EPS8: variants seen among roughly 807,000 people sequenced by gnomAD.
EPS8 encodes epidermal growth factor receptor kinase substrate 8.
A neutral mutation model predicts 103.8 loss-of-function variants in EPS8; 42 were observed. The ratio of observed to expected loss-of-function variants is 0.40; its 90% CI spans 0.32 to 0.52. EPS8 has a LOEUF of 0.52. Ranked by LOEUF, EPS8 falls within the 20% of genes least tolerant of loss-of-function variation. The pLI is 0.40. For missense variants in EPS8, 969 were observed against 1,005.1 expected (o/e 0.96, Z 0.49); for synonymous variants, 344 against 344.6 (o/e 1.00, Z 0.02).
At chr12:15,758,580 G>A (rs751943992) in intron 1 of EPS8, among the ~76,000 whole-genome samples, 1 of 152,124 alleles carries the variant, frequency 6.6e-6, no homozygotes, top group Non-Finnish European at 1.5e-5. Context: ...ATACTGTACA[G>A]CACTGGTACA....
rs2135999408 is a variant in EPS8 at position 15,735,628 on chromosome 12, TA to T, written c.-21-52657del. Reference sequence around the variant, plus strand: ...AAACTGTAAGTAAAATAGGCACATTTAAGTACTTCTTCTATGTAGATGTGCA... The same window carrying T: ...AAACTGTAAGTAAAATAGGCACATTTAGTACTTCTTCTATGTAGATGTGCA... On this transcript the variant is annotated intron_variant, in intron 1 of 20. Coordinates refer to ENST00000281172, the MANE Select transcript of EPS8 (RefSeq NM_004447.6). This position sits in a 1 kb window ranked among gnomAD's most constrained non-coding sequence, Gnocchi z 4.4. Among the ~76,000 whole-genome samples the T allele has an allele frequency of 6.6e-6, 1 of 152,338 alleles. No homozygotes were observed. Among genetic ancestry groups the T allele is most frequent in the African/African-American group, 2.4e-5 (1 of 41,578 alleles).
At chr12:15,644,799 A>G (rs1168337157) in intron 15 of EPS8, among the ~76,000 whole-genome samples, 1 of 152,118 alleles carries the variant, frequency 6.6e-6, no homozygotes, top group Non-Finnish European at 1.5e-5. Context: ...GGTCAACAAT[A>G]ATTATTTATA....
Position 15,727,774 on chromosome 12 carries a change from C to T in EPS8, c.-21-44802G>A, listed in dbSNP as rs1291589372. Among the ~76,000 whole-genome samples the T allele has an allele frequency of 6.6e-6, 1 of 152,160 alleles. No homozygotes were observed. Among genetic ancestry groups the T allele is most frequent in the Non-Finnish European group, 1.5e-5 (1 of 68,024 alleles). Reference sequence around the variant, plus strand: ...TCAGGAGGCTGAGGCAGGAGAATCACTCGAACCTGGGAGGTGGAGGTTGCA... The same window carrying T: ...TCAGGAGGCTGAGGCAGGAGAATCATTCGAACCTGGGAGGTGGAGGTTGCA... On this transcript the variant is annotated intron_variant, in intron 1 of 20. Transcript: ENST00000281172. This position sits in a 1 kb window ranked among gnomAD's most constrained non-coding sequence, Gnocchi z 4.3.
intron 1 of EPS8, among the ~76,000 whole-genome samples, chr12:15,768,467 G>A (rs1173968761): frequency 1.4e-5 from 2 of 145,248 alleles, no homozygotes; most frequent in Non-Finnish European, 3.0e-5. Flanking sequence ...AATTTTAAGA[G>A]CAGAGGTAGT....
rs569701239 is a variant in EPS8 at position 15,709,188 on chromosome 12, C to T, written c.-21-26216G>A. Among the ~76,000 whole-genome samples, 204 of 152,270 alleles carry T rather than the reference C, an allele frequency of 1.3e-3. 2 individuals carry two copies. The highest frequency in any genetic ancestry group is 2.0e-3 in the Non-Finnish European group (138 of 68,016). ...AGAAACAAGACAAAACCACCTCTAA[C>T]CCATCATAGTAAGAGATAGACTTTA... On this transcript the variant is annotated intron_variant, in intron 1 of 20. Transcript: ENST00000281172.
rs149135342 is a variant in EPS8 at position 15,725,980 on chromosome 12, T to C, written c.-21-43008A>G. On this transcript the variant is annotated intron_variant, in intron 1 of 20. Transcript: ENST00000281172. This position sits in a 1 kb window ranked among gnomAD's most constrained non-coding sequence, Gnocchi z 4.5. Reference sequence around the variant, plus strand: ...TGCATACACTGAACAGCATAAACACTGAACAAAACATAAATCTAATAAAAA... The same window carrying C: ...TGCATACACTGAACAGCATAAACACCGAACAAAACATAAATCTAATAAAAA... 1.6e-3 allele frequency among the ~76,000 whole-genome samples: 246 copies of C among 152,140 alleles called. 1 individual carries two copies. Among genetic ancestry groups the C allele is most frequent in the African/African-American group, 4.3e-3 (177 of 41,508 alleles).
intron 8 of EPS8, 75 bp from the exon 9 acceptor site, chr12:15,662,174 A>G (rs778779778): frequency 3.3e-5 from 51 of 1,563,542 alleles, no homozygotes; most frequent in Non-Finnish European, 4.1e-5. Flanking sequence ...AAACATAAAA[A>G]TTAGTTAAAA....
chr12:15,650,678 G>A lies in EPS8; in HGVS notation c.1434+145C>T, dbSNP rs111814259. 177 of 710,316 alleles carry A rather than the reference G, an allele frequency of 2.5e-4. No homozygotes were observed. In the African/African-American group the frequency reaches 2.9e-3, roughly 12 times the overall value. 44.0% of individuals were successfully genotyped at this position (710,316 alleles called of 1,614,324 possible). On this transcript the variant is annotated intron_variant, in intron 14 of 20. Transcript: ENST00000281172. ...CAAAAAATGACAGAGGCAAGAGAGAGAGGTAATTCAGGACAGGGTAACATT... is the reference window on the plus strand; with the variant it reads ...CAAAAAATGACAGAGGCAAGAGAGAAAGGTAATTCAGGACAGGGTAACATT...
In EPS8 at chr12:15,718,806, C is replaced by G. The variant is rs758410044; in HGVS notation, c.-21-35834G>C. Among the ~76,000 whole-genome samples, 6 of 120,136 alleles carry G rather than the reference C, an allele frequency of 5.0e-5. No individual in the cohort carries two copies. The Admixed American group carries it at 6.0e-4, about 12-fold the overall frequency. The allele number at this position is 120,136 out of a possible 152,430, so 78.8% of individuals were successfully genotyped here. A position where few individuals can be genotyped will look rare whatever the true frequency, so the allele number is the denominator to read the frequency against. ...TTTCCACAAAAAGTTAAACTCTAAACAAAACGACAGGACTACTTCAGCTTA... is the reference window on the plus strand; with the variant it reads ...TTTCCACAAAAAGTTAAACTCTAAAGAAAACGACAGGACTACTTCAGCTTA... On this transcript the variant is annotated intron_variant, in intron 1 of 20. Transcript: ENST00000281172.
Position 15,638,538 on chromosome 12 carries a change from C to T in EPS8, c.1821+2165G>A, listed in dbSNP as rs185052685. ...CAGAAAGCTTCTGTACACATTTCTA[C>T]ACACACCACTACATTTGTAGTTGCA... is the stretch of plus-strand genomic sequence containing the variant. On this transcript the variant is annotated intron_variant, in intron 17 of 20. Transcript: ENST00000281172. Among the ~76,000 whole-genome samples, 159 of 152,320 alleles carry T rather than the reference C, an allele frequency of 1.0e-3. 1 individual carries two copies. In the Middle Eastern group the frequency reaches 0.014, roughly 13 times the overall value.
intron 15 of EPS8, among the ~76,000 whole-genome samples, chr12:15,643,661 A>G (rs999272934): frequency 6.6e-6 from 1 of 151,232 alleles, no homozygotes; most frequent in Admixed American, 6.6e-5. Flanking sequence ...ATCGCTTGAA[A>G]CAGGGAGGCA....
At chr12:15,676,725 T>G (rs1481945712) in intron 3 of EPS8, among the ~76,000 whole-genome samples, 1 of 152,050 alleles carries the variant, frequency 6.6e-6, no homozygotes, top group African/African-American at 2.4e-5. Flanking sequence ...AGTAAAATGT[T>G]ACTGTTATAA....
chr12:15,631,493 C>G lies in EPS8; in HGVS notation c.1993G>C (p.Gly665Arg). Residue 665 changes from glycine to arginine, a missense_variant, in exon 18 of 21, where the codon GGT (glycine) becomes CGT (arginine). Physicochemically the swap from Gly to Arg is moderately radical, Grantham distance 125. Transcript: ENST00000281172. ...TGGCTGTCTCGCACGATACTGCCAC[C>G]ACTGTCACTGGAGCTGCTGTTTTGA... ...TRQNSSSSDSGGSIVRDSQRH... is the reference protein window; with the variant it reads ...TRQNSSSSDSRGSIVRDSQRH... 6.2e-7 allele frequency: 1 copy of G among 1,614,072 alleles called. No homozygotes were observed. The highest frequency in any genetic ancestry group is 1.1e-5 in the South Asian group (1 of 91,076).
chr12:15,729,744 G>T (rs2135990810), intron 1 of EPS8, among the ~76,000 whole-genome samples: 1 of 152,186 alleles, frequency 6.6e-6, no homozygotes, highest in South Asian at 2.1e-4. Flanking sequence ...TTATCTTTCT[G>T]TTATTGATTT....
intron 1 of EPS8, among the ~76,000 whole-genome samples, chr12:15,758,268 T>C (rs915586575): frequency 2.6e-5 from 4 of 152,290 alleles, no homozygotes; most frequent in Admixed American, 2.6e-4. Flanking sequence ...TATCTTAGTG[T>C]AGCTAGTTTT....
intron 1 of EPS8, among the ~76,000 whole-genome samples, chr12:15,766,136 A>G (rs182223551): frequency 9.3e-4 from 141 of 151,860 alleles, no homozygotes; most frequent in African/African-American, 3.2e-3. Context: ...ACAGAGAAAA[A>G]AAATACTCTT....
intron 15 of EPS8, 142 bp from the exon 16 acceptor site, chr12:15,641,972 G>A: frequency 2.4e-6 from 1 of 423,626 alleles, no homozygotes. Context: ...TTTACATTAT[G>A]ATAAATAAAA....
At position 15,706,112 on chromosome 12, in the gene EPS8, T is replaced by A. The variant is rs118008088; in HGVS notation, c.-21-23140A>T. 0.011 allele frequency among the ~76,000 whole-genome samples: 1,652 copies of A among 152,278 alleles called. 23 individuals carry two copies. Among genetic ancestry groups the A allele is most frequent in the South Asian group, 0.041 (198 of 4,822 alleles). On this transcript the variant is annotated intron_variant, in intron 1 of 20. Transcript: ENST00000281172. This position sits in a 1 kb window ranked among gnomAD's most constrained non-coding sequence, Gnocchi z 5.2. ...ATCCCAGTCTTCTCCTCACCTAAGG[T>A]TACTCTCTCTAATTCTGCAAACCAG... is the stretch of plus-strand genomic sequence containing the variant.
At chr12:15,667,766 G>A (rs920351151) in intron 6 of EPS8, among the ~76,000 whole-genome samples, 7 of 152,118 alleles carry the variant, frequency 4.6e-5, no homozygotes, top group Non-Finnish European at 1.0e-4. Flanking sequence ...CCAGCCAAGC[G>A]AAAAATGTCT....
Sources: allele counts gnomAD v4.1 joint callset (sites outside exome capture counted in the v4.1 genomes callset), GRCh38; gene constraint gnomAD v4.1.1; non-coding constraint Gnocchi (gnomAD v3.1); transcripts MANE v1.5; gene names NCBI Gene and HGNC (gene_info 2026-07-23, HGNC 2026-07-21).